The following SYT17 variants were observed in gnomAD, a reference collection of about 807,000 sequenced individuals.
SYT17 encodes the protein synaptotagmin 17.
In SYT17, 22 loss-of-function variants were observed where a neutral mutation model predicts 46.7. That is an observed-to-expected ratio of 0.47 (90% CI 0.34 to 0.67). SYT17 has a LOEUF of 0.67. Ranked by LOEUF, SYT17 falls within the 30% of genes least tolerant of loss-of-function variation. The probability of loss-of-function intolerance (pLI) is 0.01; values close to 1 mark genes in which losing one functional copy is unlikely to be tolerated. For synonymous variants in SYT17, 251 were observed against 248.4 expected (o/e 1.01, Z -0.10); for missense variants, 519 against 612.8 (o/e 0.85, Z 1.62).
At chr16:19,210,907 A>G in intron 5 of SYT17, among the ~76,000 whole-genome samples, 1 of 152,202 alleles carries the variant, frequency 6.6e-6, no homozygotes, top group East Asian at 1.9e-4. Context: ...ACCTGTCAGG[A>G]GGAGAGCTGG....
chr16:19,198,581 A>G (rs1413762534), intron 5 of SYT17, among the ~76,000 whole-genome samples: 1 of 152,250 alleles, frequency 6.6e-6, no homozygotes, highest in Non-Finnish European at 1.5e-5. Context: ...ACTCAGGCAC[A>G]GAAAGTTTGA....
At chr16:19,209,172 A>G (rs1478719003) in intron 5 of SYT17, among the ~76,000 whole-genome samples, 8 of 152,108 alleles carry the variant, frequency 5.3e-5, no homozygotes, top group Non-Finnish European at 1.5e-5. Context: ...CCCTGCCAGG[A>G]CATTATTTCT....
chr16:19,179,649 G>A (rs529415888), intron 3 of SYT17, among the ~76,000 whole-genome samples: 2 of 152,188 alleles, frequency 1.3e-5, no homozygotes, highest in Non-Finnish European at 2.9e-5. Context: ...CCACTTTACA[G>A]ATGGGGAAAT....
At chr16:19,213,363 G>A (rs1428733608) in intron 5 of SYT17, among the ~76,000 whole-genome samples, 1 of 152,154 alleles carries the variant, frequency 6.6e-6, no homozygotes, top group East Asian at 1.9e-4. Flanking sequence ...CGGTTACACT[G>A]GCAGGAAGGA....
At chr16:19,205,710 G>A (rs147315127) in intron 5 of SYT17, among the ~76,000 whole-genome samples, 2,201 of 152,306 alleles carry the variant, frequency 0.014, 23 homozygotes, top group Non-Finnish European at 0.022. Flanking sequence ...TTGAACTCCT[G>A]ACCTCAAGTG....
intron 5 of SYT17, among the ~76,000 whole-genome samples, chr16:19,215,496 C>A (rs1168829432): frequency 6.6e-6 from 1 of 152,196 alleles, no homozygotes; most frequent in Non-Finnish European, 1.5e-5. Context: ...ACTGCAGCCT[C>A]AAACCTCTGG....
At chr16:19,243,380 T>G (rs1446617839) in intron 7 of SYT17, among the ~76,000 whole-genome samples, 1 of 152,154 alleles carries the variant, frequency 6.6e-6, no homozygotes. Context: ...TTCTGCTTAA[T>G]TGTATTTGGG....
intron 5 of SYT17, among the ~76,000 whole-genome samples, chr16:19,192,077 G>A (rs1022886791): frequency 6.6e-5 from 10 of 152,154 alleles, no homozygotes; most frequent in African/African-American, 2.2e-4. Flanking sequence ...GCCACCGCGC[G>A]GCCGCACTGT....
chr16:19,189,505 C>A (rs990709218), intron 5 of SYT17, among the ~76,000 whole-genome samples: 1 of 152,150 alleles, frequency 6.6e-6, no homozygotes, highest in Admixed American at 6.5e-5. Flanking sequence ...TGTACACCAA[C>A]ATGCTCAGAT....
chr16:19,176,548 C>T (rs565663270), intron 3 of SYT17, among the ~76,000 whole-genome samples: 3 of 152,164 alleles, frequency 2.0e-5, no homozygotes, highest in African/African-American at 7.2e-5. Context: ...AGTAAATGAA[C>T]GGGCACGTCT....
upstream of SYT17, chr16:19,168,010 T>A (rs1963935355): frequency 6.6e-6 from 1 of 152,318 alleles, no homozygotes; most frequent in African/African-American, 2.4e-5. This position sits in a 1 kb window ranked among gnomAD's most constrained non-coding sequence, Gnocchi z 6.9. Context: ...GCGCGTCGGG[T>A]GGGGCGGGAA....
intron 7 of SYT17, among the ~76,000 whole-genome samples, chr16:19,265,220 T>A (rs1403070676): frequency 6.6e-6 from 1 of 152,222 alleles, no homozygotes; most frequent in Non-Finnish European, 1.5e-5. Flanking sequence ...CTTAGCAATT[T>A]CATTTATTAA....
At chr16:19,186,273 T>C (rs1430828549) in intron 5 of SYT17, among the ~76,000 whole-genome samples, 2 of 151,836 alleles carry the variant, frequency 1.3e-5, no homozygotes, top group Non-Finnish European at 2.9e-5. Flanking sequence ...GCCCAACAGT[T>C]CGAGACCAGC....
In SYT17 at chr16:19,267,786, C is replaced by T. The variant is rs12445535; in HGVS notation, c.*710C>T. The T allele has an allele frequency of 0.53, 80,211 of 152,052 alleles. 22,119 individuals are homozygous for T. Among genetic ancestry groups the T allele is most frequent in the East Asian group, 0.96 (4,955 of 5,146 alleles). 9.4% of individuals were successfully genotyped at this position (152,052 alleles called of 1,614,324 possible). A position where few individuals can be genotyped will look rare whatever the true frequency, so the allele number is the denominator to read the frequency against. On this transcript the variant is annotated 3_prime_UTR_variant, in exon 8 of 8. Coordinates refer to ENST00000355377, the MANE Select transcript of SYT17 (RefSeq NM_016524.4). ...GTCCTCGTGCATGTGCCCTCACAGG[C>T]GAACACGTGTGTGCCTATGTGTCCT...
At position 19,267,198 on chromosome 16, in the gene SYT17, C is replaced by A; in HGVS notation, c.*122C>A. On this transcript the variant is annotated 3_prime_UTR_variant, in exon 8 of 8. Coordinates refer to ENST00000355377, the MANE Select transcript of SYT17 (RefSeq NM_016524.4). ...CTCGCAACATGTCTACACACGTCCA[C>A]ACACACAGACACACAGATACCCCAA... The A allele has an allele frequency of 1.2e-6, 1 of 818,766 alleles. No individual in the cohort carries two copies. Among genetic ancestry groups the A allele is most frequent in the Non-Finnish European group, 1.8e-6 (1 of 544,920 alleles). 50.7% of individuals were successfully genotyped at this position (818,766 alleles called of 1,614,324 possible).
At chr16:19,255,525 A>G (rs575060157) in intron 7 of SYT17, among the ~76,000 whole-genome samples, 2 of 152,196 alleles carry the variant, frequency 1.3e-5, no homozygotes, top group South Asian at 2.1e-4. Context: ...GGTGGCTCAC[A>G]CCTGTAATCC....
chr16:19,242,766 C>G (rs1374025980), intron 7 of SYT17, among the ~76,000 whole-genome samples: 1 of 152,004 alleles, frequency 6.6e-6, no homozygotes, highest in Non-Finnish European at 1.5e-5. Context: ...TGGGCTCAAG[C>G]AATCTGCCCG....
rs183569522 is a variant in SYT17, at chr16:19,233,902, A to G, written c.1228+9064A>G. Among the ~76,000 whole-genome samples, 3 of 152,274 alleles carry G rather than the reference A, an allele frequency of 2.0e-5. No individual in the cohort carries two copies. In the East Asian group the frequency reaches 5.8e-4, roughly 29 times the overall value. On this transcript the variant is annotated intron_variant, in intron 7 of 7. Transcript: ENST00000355377. ...ACATACCTTCTCTCTGCAGCCATGC[A>G]GCAGCCTCTGTCTTTTCCCCTTCTA...
Position 19,183,467 on chromosome 16 carries a change from A to G in SYT17, c.332-61A>G. ...ACAATGCAAGAATCTGCTTACCTGC[A>G]AAGTGGCCCAGGTCTGCCCCGTATG... On this transcript the variant is annotated intron_variant, in intron 4 of 7. Transcript: ENST00000355377. This position sits in a 1 kb window ranked among gnomAD's most constrained non-coding sequence, Gnocchi z 5.6. 3.8e-6 allele frequency: 6 copies of G among 1,590,706 alleles called. No homozygotes were observed. The highest frequency in any genetic ancestry group is 5.1e-6 in the Non-Finnish European group (6 of 1,167,320).
Sources: allele counts gnomAD v4.1 joint callset (sites outside exome capture counted in the v4.1 genomes callset), GRCh38; gene constraint gnomAD v4.1.1; non-coding constraint Gnocchi (gnomAD v3.1); transcripts MANE v1.5; gene names NCBI Gene and HGNC (gene_info 2026-07-23, HGNC 2026-07-21).